Variants in ARHGEF16 observed in about 807,000 individuals in gnomAD.
ARHGEF16 encodes the protein Rho guanine nucleotide exchange factor 16, also known as Rho guanine exchange factor (GEF) 16.
In ARHGEF16, 59 loss-of-function variants were observed where a neutral mutation model predicts 74.1. The ratio of observed to expected loss-of-function variants is 0.80; its 90% CI spans 0.65 to 0.99. ARHGEF16 has a LOEUF of 0.99. Ranked by LOEUF, ARHGEF16 falls within the 50% of genes least tolerant of loss-of-function variation. The pLI, the probability that ARHGEF16 is intolerant of heterozygous loss-of-function variation, is 0.00. For synonymous variants in ARHGEF16, 415 were observed against 412.6 expected (o/e 1.01, Z -0.07); for missense variants, 948 against 986.6 (o/e 0.96, Z 0.52).
intron 1 of ARHGEF16, among the ~76,000 whole-genome samples, chr1:3,458,754 G>T (rs1639323030): frequency 6.6e-6 from 1 of 152,238 alleles, no homozygotes. Context: ...CAGGGGCGCA[G>T]CTCCAGCAGC....
rs778961636 is a variant in ARHGEF16 at position 3,469,481 on chromosome 1, A to G, written c.910A>G (p.Ser304Gly). 2.9e-5 allele frequency: 47 copies of G among 1,613,056 alleles called. No individual in the cohort carries two copies. The highest frequency in any genetic ancestry group is 5.0e-5 in the Admixed American group (3 of 60,004). ...TSEFSYQHSLSILVEEFLQSK... is the reference protein window; with the variant it reads ...TSEFSYQHSLGILVEEFLQSK... Reference sequence around the variant, plus strand: ...GGAGTTCTCCTACCAGCACAGCCTGAGCATCCTGGTGGAGGAGTTCCTGCA... The same window carrying G: ...GGAGTTCTCCTACCAGCACAGCCTGGGCATCCTGGTGGAGGAGTTCCTGCA... Residue 304 changes from serine (S) to glycine (G), a missense_variant, in exon 6 of 15, where the codon AGC (serine) becomes GGC (glycine). Transcript: ENST00000378378.
chr1:3,477,316 T>C (rs192921232), intron 10 of ARHGEF16, among the ~76,000 whole-genome samples: 2 of 148,478 alleles, frequency 1.3e-5, no homozygotes, highest in Admixed American at 6.7e-5. Context: ...ACCCCCACAC[T>C]ACCCACCCCA....
chr1:3,480,833 C>T lies in ARHGEF16; in HGVS notation c.*246C>T, dbSNP rs1292175653. 3.8e-6 allele frequency: 2 copies of T among 532,534 alleles called. No homozygotes were observed. Among genetic ancestry groups the T allele is most frequent in the East Asian group, 3.2e-5 (1 of 31,168 alleles). 33.0% of individuals were successfully genotyped at this position (532,534 alleles called of 1,614,324 possible). A position where few individuals can be genotyped will look rare whatever the true frequency, so the allele number is the denominator to read the frequency against. On this transcript the variant is annotated 3_prime_UTR_variant, in exon 15 of 15. Coordinates refer to ENST00000378378, the MANE Select transcript of ARHGEF16 (RefSeq NM_014448.4). ...GTGTCCCAGGGAGCCCAGCCTATTC[C>T]CGTTGGCTGGCTGGGCCCCTCAGCT...
At chr1:3,477,284 T>G (rs372556138) in intron 10 of ARHGEF16, among the ~76,000 whole-genome samples, 1 of 982 alleles carries the variant, frequency 1.0e-3, no homozygotes, top group African/African-American at 3.2e-3. Context: ...TGCCACCCCC[T>G]ACTGCGACAC....
chr1:3,465,041 G>A lies in ARHGEF16; in HGVS notation c.589-1107G>A, dbSNP rs145205868. ...CCTGAGACGCCCAGGACTCAGAAAT[G>A]CCTCAGCACCTCTGCCGCAGGCCCC... On this transcript the variant is annotated intron_variant, in intron 2 of 14. Coordinates refer to ENST00000378378, the MANE Select transcript of ARHGEF16 (RefSeq NM_014448.4). Among the ~76,000 whole-genome samples the A allele has an allele frequency of 5.3e-4, 80 of 152,350 alleles. 1 individual carries two copies. The East Asian group carries it at 0.011, about 22-fold the overall frequency.
chr1:3,470,361 GGTAT>G (rs1639672932), intron 6 of ARHGEF16, among the ~76,000 whole-genome samples: 1 of 150,692 alleles, frequency 6.6e-6, no homozygotes, highest in African/African-American at 2.5e-5. Context: ...TGCGTGGGCA[GGTAT>G]GTGTGTGTGT....
Position 3,473,302 on chromosome 1 carries a change from C to T in ARHGEF16, c.1175+72C>T, listed in dbSNP as rs946019773. Reference sequence around the variant, plus strand: ...GCACCCTGGTCTCCCAAAGCACATTCCTGCTCCCAGCCCAGCTTCTGCAGG... The same window carrying T: ...GCACCCTGGTCTCCCAAAGCACATTTCTGCTCCCAGCCCAGCTTCTGCAGG... On this transcript the variant is annotated intron_variant, in intron 7 of 14. Transcript: ENST00000378378. 93 of 1,585,232 alleles carry T rather than the reference C, an allele frequency of 5.9e-5. 1 individual carries two copies. The Middle Eastern group carries it at 1.2e-3, about 21-fold the overall frequency.
At chr1:3,460,626 G>A (rs1390032943) in intron 1 of ARHGEF16, among the ~76,000 whole-genome samples, 1 of 152,194 alleles carries the variant, frequency 6.6e-6, no homozygotes, top group Non-Finnish European at 1.5e-5. Flanking sequence ...GTAGACAGAA[G>A]CCTAAAAGAA....
chr1:3,462,997 A>G (rs572240549), intron 1 of ARHGEF16, 69 bp from the exon 2 acceptor site: 2 of 1,121,300 alleles, frequency 1.8e-6, no homozygotes, highest in Non-Finnish European at 1.2e-6. Flanking sequence ...GCAAAGGGGT[A>G]GGGGGGTGGA....
intron 4 of ARHGEF16, 174 bp from the exon 5 acceptor site, chr1:3,468,706 G>T (rs1487409961): frequency 2.9e-6 from 2 of 685,428 alleles, no homozygotes; most frequent in Admixed American, 4.7e-5. Context: ...AGAGAGGAAG[G>T]TGACGGGGAT....
At position 3,480,933 on chromosome 1, in the gene ARHGEF16, G is replaced by A. The variant is rs796106991; in HGVS notation, c.*346G>A. ...GATGGGCACAGGAGGCACCAATAGC[G>A]ATTATTGGGGGCAATGCGAGGTCTC... On this transcript the variant is annotated 3_prime_UTR_variant, in exon 15 of 15. Coordinates refer to ENST00000378378, the MANE Select transcript of ARHGEF16 (RefSeq NM_014448.4). 3.3e-5 allele frequency: 10 copies of A among 307,392 alleles called. No homozygotes were observed. Among genetic ancestry groups the A allele is most frequent in the African/African-American group, 1.7e-4 (8 of 46,428 alleles). The allele number at this position is 307,392 out of a possible 1,614,324, so 19.0% of individuals were successfully genotyped here.
chr1:3,467,633 C>T (rs1194129766), intron 4 of ARHGEF16, among the ~76,000 whole-genome samples: 3 of 152,214 alleles, frequency 2.0e-5, no homozygotes, highest in African/African-American at 7.2e-5. Flanking sequence ...CTTCCCAGGG[C>T]CCCCGCCCCA....
At chr1:3,466,091 G>T (rs1639535293) in intron 2 of ARHGEF16, 57 bp from the exon 3 acceptor site, 1 of 1,536,136 alleles carries the variant, frequency 6.5e-7, no homozygotes, top group Non-Finnish European at 8.8e-7. Context: ...CAGAATCGCC[G>T]TGGGCAACAC....
chr1:3,465,581 G>A (rs1639519007), intron 2 of ARHGEF16, among the ~76,000 whole-genome samples: 1 of 75,204 alleles, frequency 1.3e-5, no homozygotes, highest in African/African-American at 3.0e-5. Flanking sequence ...CGAGAAATCA[G>A]CCCCTTTCCT....
At chr1:3,471,891 TCGTGG>T in intron 6 of ARHGEF16, 2 of 952,668 alleles carry the variant, frequency 2.1e-6, no homozygotes, top group South Asian at 7.7e-5. Flanking sequence ...CGTACGCATG[TCGTGG>T]CCCTGCTCAT....
rs557566010 is a variant in ARHGEF16 at position 3,458,510 on chromosome 1, C to T, written c.-20+3699C>T. 3.8e-4 allele frequency among the ~76,000 whole-genome samples: 58 copies of T among 152,342 alleles called. 1 individual carries two copies. Among genetic ancestry groups the T allele is most frequent in the African/African-American group, 1.3e-3 (53 of 41,578 alleles). On this transcript the variant is annotated intron_variant, in intron 1 of 14. Transcript: ENST00000378378. ...GAAAGAGGCCACTGTAGAAACCAGC[C>T]GGCCTGCAGGACAGGCTTCAGGATA...
At chr1:3,467,072 A>T in intron 3 of ARHGEF16, 96 bp from the exon 4 acceptor site, 1 of 1,302,762 alleles carries the variant, frequency 7.7e-7, no homozygotes, top group Non-Finnish European at 1.0e-6. Context: ...CAGCCGTGAG[A>T]GCCTGTGGGC....
At position 3,479,880 on chromosome 1, in the gene ARHGEF16, G is replaced by A; in HGVS notation, c.1957G>A (p.Ala653Thr). Residue 653 changes from alanine (A) to threonine (T), a missense_variant, in exon 14 of 15, where the codon GCG becomes ACG. Physicochemically the swap from Ala to Thr is moderately conservative, Grantham distance 58. Coordinates refer to ENST00000378378, the MANE Select transcript of ARHGEF16 (RefSeq NM_014448.4). ...KQADEVTLQQ[A>T]DVVLVLQQED... Reference sequence around the variant, plus strand: ...AGCAGACGAGGTCACACTGCAGCAGGCGGACGTGGTCCTGGTTCTGCAGCA... The same window carrying A: ...AGCAGACGAGGTCACACTGCAGCAGACGGACGTGGTCCTGGTTCTGCAGCA... 6.2e-7 allele frequency: 1 copy of A among 1,612,342 alleles called. No homozygotes were observed. Among genetic ancestry groups the A allele is most frequent in the South Asian group, 1.1e-5 (1 of 91,072 alleles).
At chr1:3,470,631 AG>A (rs1193302541) in intron 6 of ARHGEF16, among the ~76,000 whole-genome samples, 1 of 139,258 alleles carries the variant, frequency 7.2e-6, no homozygotes, top group East Asian at 2.3e-4. Flanking sequence ...GTGCGTGGGC[AG>A]GGATGTCTGT....
Sources: allele counts gnomAD v4.1 joint callset (sites outside exome capture counted in the v4.1 genomes callset), GRCh38; gene constraint gnomAD v4.1.1; transcripts MANE v1.5; gene names NCBI Gene and HGNC (gene_info 2026-07-23, HGNC 2026-07-21).